Variants in SLC25A26 observed in about 807,000 individuals in gnomAD.
The protein encoded by SLC25A26 is mitochondrial S-adenosylmethionine carrier protein.
Under a neutral mutation model 37.8 loss-of-function variants are expected in SLC25A26, and 36 were observed. That is an observed-to-expected ratio of 0.95 (90% confidence interval 0.73 to 1.26). The LOEUF (loss-of-function observed/expected upper bound fraction) is 1.26, where lower values mean the gene tolerates loss of function less well. Ranked by LOEUF, SLC25A26 falls within the 50% of genes most tolerant of loss-of-function variation. The pLI, the probability that SLC25A26 is intolerant of heterozygous loss-of-function variation, is 0.00. For missense variants in SLC25A26, 390 were observed against 331.1 expected, an observed-to-expected ratio of 1.18 and a Z score of -1.38; for synonymous variants, 129 against 122.5, an observed-to-expected ratio of 1.05 and a Z score of -0.35.
chr3:66,357,183 G>A (rs1344637031), intron 6 of SLC25A26, among the ~76,000 whole-genome samples: 2 of 152,198 alleles, frequency 1.3e-5, no homozygotes, highest in Non-Finnish European at 2.9e-5. Context: ...GGAGGCTGGG[G>A]TGGGAGGATC....
At chr3:66,236,733 A>G in intron 2 of SLC25A26, 33 bp downstream of exon 2, 1 of 1,456,664 alleles carries the variant, frequency 6.9e-7, no homozygotes, top group Admixed American at 2.0e-5. Flanking sequence ...CTGTAAAGCC[A>G]AGATAAGATG....
At chr3:66,273,504 C>G (rs547814052) in intron 5 of SLC25A26, among the ~76,000 whole-genome samples, 1 of 152,158 alleles carries the variant, frequency 6.6e-6, no homozygotes, top group Admixed American at 6.5e-5. Flanking sequence ...CTAGAAAACC[C>G]CATTGTCTCA....
intron 5 of SLC25A26, among the ~76,000 whole-genome samples, chr3:66,281,822 C>CTT (rs35569177): frequency 2.0e-4 from 25 of 122,414 alleles, no homozygotes; most frequent in African/African-American, 6.1e-4. Context: ...CCCGTTAGTC[C>CTT]TTTTTTTTTT....
At position 66,308,959 on chromosome 3, in the gene SLC25A26, G is replaced by A. The variant is rs111529076; in HGVS notation, c.454-37405G>A. Among the ~76,000 whole-genome samples, 107 of 152,160 alleles carry A rather than the reference G, an allele frequency of 7.0e-4. 1 individual carries two copies. The South Asian group carries it at 0.014, about 20-fold the overall frequency. On this transcript the variant is annotated intron_variant, in intron 5 of 9. Coordinates refer to ENST00000354883, the MANE Select transcript of SLC25A26 (RefSeq NM_001379210.1). Reference sequence around the variant, plus strand: ...TGCCAGAATTTTATTGAGGATTTTCGCGTCCATGTTTATCAGGGATCTTGG... The same window carrying A: ...TGCCAGAATTTTATTGAGGATTTTCACGTCCATGTTTATCAGGGATCTTGG...
intron 3 of SLC25A26, among the ~76,000 whole-genome samples, chr3:66,249,875 C>G (rs2073012004): frequency 6.6e-6 from 1 of 152,308 alleles, no homozygotes; most frequent in African/African-American, 2.4e-5. Flanking sequence ...AACACAGAAG[C>G]TGAAACAGAA....
intron 1 of SLC25A26, among the ~76,000 whole-genome samples, chr3:66,150,524 GATATATAT>G (rs57194947): frequency 9.6e-6 from 1 of 103,656 alleles, no homozygotes; most frequent in Non-Finnish European, 1.9e-5. Context: ...TATATATAAT[GATATATAT>G]ATATATATAT....
intron 5 of SLC25A26, among the ~76,000 whole-genome samples, chr3:66,337,234 A>T (rs1207989590): frequency 6.6e-6 from 1 of 152,130 alleles, no homozygotes; most frequent in Non-Finnish European, 1.5e-5. Flanking sequence ...GTTCTGATAT[A>T]CCCAGATGTT....
At chr3:66,337,896 A>G (rs2076125942) in intron 5 of SLC25A26, among the ~76,000 whole-genome samples, 1 of 152,008 alleles carries the variant, frequency 6.6e-6, no homozygotes, top group East Asian at 1.9e-4. Flanking sequence ...TATTTTTTAC[A>G]GTACATTTTT....
At chr3:66,209,927 T>C (rs1178849607) in intron 1 of SLC25A26, among the ~76,000 whole-genome samples, 5 of 73,586 alleles carry the variant, frequency 6.8e-5, no homozygotes, top group African/African-American at 3.3e-4. Context: ...TATATATATA[T>C]ATATATATAT....
Position 66,236,581 on chromosome 3 carries a change from T to TC in SLC25A26, c.71_72insC (p.Leu24PhefsTer8). 6.7e-7 allele frequency: 1 copy of TC among 1,496,978 alleles called. No homozygotes were observed. The highest frequency in any genetic ancestry group is 8.9e-7 in the Non-Finnish European group (1 of 1,119,652). The allele number at this position is 1,496,978 out of a possible 1,614,324, so 92.7% of individuals were successfully genotyped here. A position where few individuals can be genotyped will look rare whatever the true frequency, so the allele number is the denominator to read the frequency against. On this transcript the variant is annotated frameshift_variant, in exon 2 of 10. Coordinates refer to ENST00000354883, the MANE Select transcript of SLC25A26 (RefSeq NM_001379210.1). LOFTEE classifies it high-confidence loss of function. ...GCAGGTGTTTCTGTTGACTTGATAT[T>TC]ATTTCCTCTGGATACCATTAAAACC...
chr3:66,174,016 G>A (rs2070538607), intron 1 of SLC25A26, among the ~76,000 whole-genome samples: 1 of 151,808 alleles, frequency 6.6e-6, no homozygotes, highest in South Asian at 2.1e-4. Context: ...TCGTGCCACT[G>A]CGCTCCAGCC....
chr3:66,209,728 A>T (rs2071249708), intron 1 of SLC25A26, among the ~76,000 whole-genome samples: 1 of 137,992 alleles, frequency 7.2e-6, no homozygotes, highest in Admixed American at 7.6e-5. Context: ...TTTTATAGGT[A>T]TATATTGGTA....
chr3:66,209,150 T>TATAC (rs2071235608), intron 1 of SLC25A26, among the ~76,000 whole-genome samples: 1 of 82,610 alleles, frequency 1.2e-5, no homozygotes, highest in Non-Finnish European at 2.4e-5. Flanking sequence ...TATATATATA[T>TATAC]ACCTATACTT....
chr3:66,199,442 C>T (rs2071083585), intron 1 of SLC25A26, among the ~76,000 whole-genome samples: 1 of 152,062 alleles, frequency 6.6e-6, no homozygotes, highest in Non-Finnish European at 1.5e-5. Context: ...GGCCCTGACA[C>T]TGACTTTCAG....
At chr3:66,329,020 T>C (rs976825384) in intron 5 of SLC25A26, among the ~76,000 whole-genome samples, 2 of 152,164 alleles carry the variant, frequency 1.3e-5, no homozygotes, top group African/African-American at 4.8e-5. Context: ...TTGTGAAGTA[T>C]GTAAAGTGCT....
At chr3:66,371,238 C>T (rs761944557) in intron 9 of SLC25A26, 4 of 1,541,634 alleles carry the variant, frequency 2.6e-6, no homozygotes, top group Non-Finnish European at 3.5e-6. Context: ...AAGAGCAAAG[C>T]AGTGGCCTCC....
intron 1 of SLC25A26, among the ~76,000 whole-genome samples, chr3:66,155,829 T>C (rs1462333926): frequency 6.6e-6 from 1 of 152,104 alleles, no homozygotes; most frequent in Non-Finnish European, 1.5e-5. Flanking sequence ...CCTCACATCC[T>C]CTCTGCAGTT....
chr3:66,148,884 G>A (rs1456195763), intron 1 of SLC25A26, among the ~76,000 whole-genome samples: 1 of 152,158 alleles, frequency 6.6e-6, no homozygotes, highest in Admixed American at 6.5e-5. Context: ...GTCTACCAGA[G>A]ACCACTTTCT....
intron 5 of SLC25A26, among the ~76,000 whole-genome samples, chr3:66,344,121 G>C (rs1457523332): frequency 6.6e-6 from 1 of 152,136 alleles, no homozygotes; most frequent in East Asian, 1.9e-4. Flanking sequence ...TGTGGTCACT[G>C]TCTGTCAAAC....
Sources: gnomAD v4.1 joint callset for allele counts (sites outside exome capture counted in the v4.1 genomes callset) on GRCh38, gnomAD v4.1.1 for gene constraint, MANE v1.5 for transcripts, NCBI Gene and HGNC (gene_info 2026-07-23, HGNC 2026-07-21) for gene names.